The following RC3H2 variants were observed in gnomAD, a reference collection of about 807,000 sequenced individuals.
RC3H2 encodes the protein roquin-2.
A neutral mutation model predicts 133.3 loss-of-function variants in RC3H2; 31 were observed. The observed-to-expected ratio is 0.23, with a 90% CI of 0.17 to 0.31. The LOEUF is 0.31. RC3H2 is among the 10% of genes least tolerant of loss of function. The pLI, the probability that RC3H2 is intolerant of heterozygous loss-of-function variation, is 1.00. For missense variants in RC3H2, 1,175 were observed against 1,437.2 expected (o/e 0.82, Z 2.95); for synonymous variants, 517 against 502.2 (o/e 1.03, Z -0.40).
chr9:122,870,401 CA>C (rs1564298132), intron 9 of RC3H2, among the ~76,000 whole-genome samples: 16 of 127,412 alleles, frequency 1.3e-4, no homozygotes, highest in South Asian at 8.5e-4. Context: ...AACAAACAAA[CA>C]AACAAACAAA....
At chr9:122,880,272 C>A (rs375937053) in intron 6 of RC3H2, 147 bp from the exon 7 acceptor site, 15 of 959,998 alleles carry the variant, frequency 1.6e-5, no homozygotes, top group Admixed American at 1.4e-4. Flanking sequence ...TAAATTTTCA[C>A]CTCAGAATCT....
At chr9:122,860,502 C>T (rs1830417494) in intron 10 of RC3H2, among the ~76,000 whole-genome samples, 1 of 150,808 alleles carries the variant, frequency 6.6e-6, no homozygotes, top group African/African-American at 2.4e-5. Flanking sequence ...CAGCCTTGAC[C>T]TCCTGGGCTT....
chr9:122,887,671 G>A (rs1564312822), intron 4 of RC3H2, among the ~76,000 whole-genome samples: 1 of 150,820 alleles, frequency 6.6e-6, no homozygotes, highest in Non-Finnish European at 1.5e-5. Flanking sequence ...AATTGAGTCC[G>A]TACTAATATT....
chr9:122,865,458 G>C lies in RC3H2; in HGVS notation c.1525C>G (p.Arg509Gly), dbSNP rs773008821. 4 of 1,614,136 alleles carry C rather than the reference G, an allele frequency of 2.5e-6. No individual in the cohort carries two copies. The Admixed American group carries it at 6.7e-5, about 27-fold the overall frequency. Residue 509 changes from arginine (R) to glycine (G), a missense_variant, in exon 10 of 21, where the codon CGT becomes GGT. Around this residue, in one of 8 missense-constraint regions of RC3H2, gnomAD observed 490 missense variants for 492.8 expected, o/e 0.99. Coordinates refer to ENST00000357244, the MANE Select transcript of RC3H2 (RefSeq NM_001100588.3). ...GCTCTTAAGGTACTGTCAGTACTAC[G>C]TGAGATTAGCTGGGAAACACTGTTT... ...AENSVSQLIS[R>G]STDSTLRALE...
intron 14 of RC3H2, 96 bp downstream of exon 14, chr9:122,855,636 A>C: frequency 7.3e-7 from 1 of 1,376,730 alleles, no homozygotes; most frequent in Non-Finnish European, 9.9e-7. Flanking sequence ...ATAAGGCAAC[A>C]ATATGAATGA....
intron 10 of RC3H2, among the ~76,000 whole-genome samples, 191 bp from the exon 11 acceptor site, chr9:122,860,322 G>C (rs1347749664): frequency 3.3e-5 from 5 of 151,592 alleles, no homozygotes; most frequent in Non-Finnish European, 5.9e-5. Context: ...CATCGTAACA[G>C]ATGTCATATT....
intron 10 of RC3H2, among the ~76,000 whole-genome samples, chr9:122,863,802 T>C (rs1356323529): frequency 6.6e-6 from 1 of 152,080 alleles, no homozygotes; most frequent in Non-Finnish European, 1.5e-5. Flanking sequence ...AACGGTGCGA[T>C]CTTGGCTCAC....
chr9:122,875,173 T>C (rs1831277727), intron 9 of RC3H2: 2 of 1,550,152 alleles, frequency 1.3e-6, no homozygotes, highest in African/African-American at 2.7e-5. Context: ...TTAGGACTCC[T>C]TAATCCTCTT....
At position 122,880,377 on chromosome 9, in the gene RC3H2, C is replaced by G. The variant is rs529953415; in HGVS notation, c.960+217G>C. On this transcript the variant is annotated intron_variant, in intron 6 of 20. Transcript: ENST00000357244. Reference sequence around the variant, plus strand: ...TAGATAAATTTGAGACTTTGTAAGCCTCACTGCTTTTATGCTAGTATCATG... The same window carrying G: ...TAGATAAATTTGAGACTTTGTAAGCGTCACTGCTTTTATGCTAGTATCATG... The G allele has an allele frequency of 3.5e-5, 25 of 716,258 alleles. No homozygotes were observed. In the African/African-American group the frequency reaches 4.1e-4, roughly 12 times the overall value. The allele number at this position is 716,258 out of a possible 1,614,324, so 44.4% of individuals were successfully genotyped here. A position where few individuals can be genotyped will look rare whatever the true frequency, so the allele number is the denominator to read the frequency against.
In RC3H2 at chr9:122,845,372, T is replaced by C. The variant is rs564425858; in HGVS notation, c.*4255A>G. 4 of 152,148 alleles carry C rather than the reference T, an allele frequency of 2.6e-5. No individual in the cohort carries two copies. Among genetic ancestry groups the C allele is most frequent in the Admixed American group, 6.5e-5 (1 of 15,272 alleles). The allele number at this position is 152,148 out of a possible 1,614,324, so 9.4% of individuals were successfully genotyped here. ...GTGTTGTATCACAACTACAGTATAA[T>C]TGTTTGCCCAGCTAAGAGAATGCAT... On this transcript the variant is annotated 3_prime_UTR_variant, in exon 21 of 21. Transcript: ENST00000357244.
chr9:122,884,210 A>C (rs935543417), intron 4 of RC3H2, among the ~76,000 whole-genome samples: 66 of 151,928 alleles, frequency 4.3e-4, no homozygotes, highest in Non-Finnish European at 8.2e-4. Flanking sequence ...GGAGAATGGC[A>C]TGAACCTGGG....
rs532818582 is a variant in RC3H2, at chr9:122,894,191, A to C, written c.232-1165T>G. Among the ~76,000 whole-genome samples, 7 of 151,958 alleles carry C rather than the reference A, an allele frequency of 4.6e-5. No homozygotes were observed. The East Asian group carries it at 1.4e-3, about 29-fold the overall frequency. On this transcript the variant is annotated intron_variant, in intron 2 of 20. Coordinates refer to ENST00000357244, the MANE Select transcript of RC3H2 (RefSeq NM_001100588.3). ...GGAGAATGCCGTGAACCTGGGAGGC[A>C]GAGCTTGCAGTGAGCCGAGATCGCG...
At chr9:122,872,048 A>T (rs1199750923) in intron 9 of RC3H2, among the ~76,000 whole-genome samples, 1 of 151,724 alleles carries the variant, frequency 6.6e-6, no homozygotes, top group Non-Finnish European at 1.5e-5. Flanking sequence ...AAAGTATTGG[A>T]ATTACAGGCG....
rs763543043 is a variant in RC3H2 at position 122,865,642 on chromosome 9, G to C, written c.1341C>G (p.Asn447Lys). ...QEELEKYRLR[N>K]KKINATVRTF... ...TTCTTACAGTGGCATTGATCTTTTT[G>C]TTCCTTAATCGATACCTGTTTCAAA... Residue 447 changes from asparagine to lysine, a missense_variant, in exon 10 of 21, where the codon AAC becomes AAG. Asn to Lys is a moderately conservative substitution (Grantham distance 94). Transcript: ENST00000357244. 2 of 1,611,164 alleles carry C rather than the reference G, an allele frequency of 1.2e-6. No homozygotes were observed. The highest frequency in any genetic ancestry group is 2.2e-5 in the East Asian group (1 of 44,880).
At chr9:122,878,415 C>T (rs903671202) in intron 8 of RC3H2, among the ~76,000 whole-genome samples, 2 of 152,072 alleles carry the variant, frequency 1.3e-5, no homozygotes, top group Non-Finnish European at 2.9e-5. Flanking sequence ...GGACTACAGG[C>T]GCCTGCCACC....
chr9:122,897,213 G>T, intron 2 of RC3H2, 66 bp downstream of exon 2: 4 of 1,463,654 alleles, frequency 2.7e-6, no homozygotes, highest in Non-Finnish European at 3.8e-6. Flanking sequence ...TGGACAAGCC[G>T]TTAAAATAAT....
chr9:122,902,960 T>C (rs1384764235), intron 1 of RC3H2, among the ~76,000 whole-genome samples: 1 of 152,152 alleles, frequency 6.6e-6, no homozygotes, highest in East Asian at 1.9e-4. Context: ...TTAAAATTAC[T>C]GAGATATTAA....
At position 122,849,524 on chromosome 9, in the gene RC3H2, T is replaced by C. The variant is rs1829940146; in HGVS notation, c.*103A>G. 2 of 416,986 alleles carry C rather than the reference T, an allele frequency of 4.8e-6. No homozygotes were observed. Among genetic ancestry groups the C allele is most frequent in the Non-Finnish European group, 7.2e-6 (2 of 277,602 alleles). The allele number at this position is 416,986 out of a possible 1,614,324, so 25.8% of individuals were successfully genotyped here. On this transcript the variant is annotated 3_prime_UTR_variant, in exon 21 of 21. Transcript: ENST00000357244. ...AAATGGATGCCCCCAGTAATATCTT[T>C]TTTTTAAAAAAAATATACATTATAT...
chr9:122,852,026 G>C (rs1164889898), intron 18 of RC3H2, among the ~76,000 whole-genome samples: 1 of 151,164 alleles, frequency 6.6e-6, no homozygotes, highest in Admixed American at 6.6e-5. Flanking sequence ...GTCTCTGCCC[G>C]GCCGCCATCC....
Sources: gnomAD v4.1 joint callset for allele counts (sites outside exome capture counted in the v4.1 genomes callset) on GRCh38, gnomAD v4.1.1 for gene constraint, gnomAD v4.1.1 regional missense constraint, MANE v1.5 for transcripts, NCBI Gene and HGNC (gene_info 2026-07-23, HGNC 2026-07-21) for gene names.